The following CNBD1 variants were observed in gnomAD, a reference collection of about 807,000 sequenced individuals.
CNBD1 encodes the protein cyclic nucleotide binding domain containing 1, also known as cyclic nucleotide-binding domain-containing protein 1.
In CNBD1, 71 loss-of-function variants were observed where a neutral mutation model predicts 54.4. The ratio of observed to expected loss-of-function variants is 1.30; its 90% confidence interval spans 1.08 to 1.59. The LOEUF (loss-of-function observed/expected upper bound fraction) is 1.59. Ranked by LOEUF, CNBD1 falls within the 40% of genes most tolerant of loss-of-function variation. The pLI is 0.00. For missense variants in CNBD1, 659 were observed against 518.0 expected (o/e 1.27, Z -2.64); for synonymous variants, 182 against 170.7 (o/e 1.07, Z -0.51).
At chr8:87,029,349 G>A (rs1406580971) in intron 4 of CNBD1, among the ~76,000 whole-genome samples, 2 of 152,144 alleles carry the variant, frequency 1.3e-5, no homozygotes, top group African/African-American at 4.8e-5. Flanking sequence ...GTAATTTTCA[G>A]CACTTAGTTG....
At chr8:87,027,285 T>C (rs1210528847) in intron 4 of CNBD1, among the ~76,000 whole-genome samples, 1 of 151,984 alleles carries the variant, frequency 6.6e-6, no homozygotes, top group Non-Finnish European at 1.5e-5. Context: ...TTTATTTATT[T>C]ATTTTGAGAT....
At chr8:87,372,290 G>C (rs1563574634) in intron 10 of CNBD1, among the ~76,000 whole-genome samples, 1 of 151,866 alleles carries the variant, frequency 6.6e-6, no homozygotes, top group Non-Finnish European at 1.5e-5. Context: ...TTTTGTTTCT[G>C]TTTTTTGATA....
chr8:86,874,747 G>C (rs1164641235), intron 1 of CNBD1, among the ~76,000 whole-genome samples: 2 of 151,736 alleles, frequency 1.3e-5, no homozygotes, highest in Non-Finnish European at 2.9e-5. Context: ...GCCACTTCAA[G>C]TTGGTTTGAG....
intron 6 of CNBD1, among the ~76,000 whole-genome samples, chr8:87,279,551 A>G (rs10096131): frequency 0.28 from 42,471 of 151,070 alleles, 6,392 homozygotes; most frequent in African/African-American, 0.39. Flanking sequence ...GATTATACTA[A>G]CCAGAAGGCC....
chr8:87,390,428 A>T (rs928034866), intron 2 of CNBD1, among the ~76,000 whole-genome samples: 6 of 152,236 alleles, frequency 3.9e-5, no homozygotes, highest in African/African-American at 1.4e-4. Flanking sequence ...AAAGTGGGTG[A>T]AGGATATGAA....
intron 2 of CNBD1, among the ~76,000 whole-genome samples, chr8:87,420,662 C>G (rs569192458): frequency 1.3e-5 from 2 of 151,992 alleles, no homozygotes; most frequent in African/African-American, 2.4e-5. Flanking sequence ...TGCTATTATG[C>G]TTTTGCTATT....
intron 3 of CNBD1, among the ~76,000 whole-genome samples, chr8:86,910,057 C>T (rs56406508): frequency 0.31 from 47,589 of 151,946 alleles, 7,597 homozygotes; most frequent in East Asian, 0.42. Flanking sequence ...AATTTAAGCA[C>T]GATTTGTCTT....
chr8:87,053,537 T>TC (rs1810354829), intron 4 of CNBD1, among the ~76,000 whole-genome samples: 1 of 152,062 alleles, frequency 6.6e-6, no homozygotes, highest in Non-Finnish European at 1.5e-5. Context: ...AGAAGGGGTG[T>TC]CCCCCCTCTC....
At chr8:87,361,460 T>A (rs776943548) in intron 10 of CNBD1, among the ~76,000 whole-genome samples, 2 of 151,784 alleles carry the variant, frequency 1.3e-5, no homozygotes, top group Non-Finnish European at 2.9e-5. Context: ...TATGTGAAGA[T>A]GATATAGCTT....
intron 4 of CNBD1, among the ~76,000 whole-genome samples, chr8:87,202,792 G>C (rs887990949): frequency 1.4e-4 from 22 of 152,116 alleles, no homozygotes; most frequent in African/African-American, 4.6e-4. Context: ...CAAATAGAAG[G>C]CCTCGACTAG....
At chr8:87,094,708 C>T (rs1016422453) in intron 4 of CNBD1, among the ~76,000 whole-genome samples, 18 of 152,058 alleles carry the variant, frequency 1.2e-4, no homozygotes, top group East Asian at 1.9e-4. Context: ...AATTATCAGG[C>T]GCCTTTGCCC....
At chr8:86,987,789 A>G (rs1298612240) in intron 4 of CNBD1, among the ~76,000 whole-genome samples, 1 of 152,148 alleles carries the variant, frequency 6.6e-6, no homozygotes, top group East Asian at 1.9e-4. Context: ...TATGTTGTGA[A>G]TCACATTTAT....
At chr8:87,203,674 T>C (rs137967224) in intron 4 of CNBD1, among the ~76,000 whole-genome samples, 1 of 152,302 alleles carries the variant, frequency 6.6e-6, no homozygotes, top group African/African-American at 2.4e-5. Context: ...ACAGAAAGTT[T>C]CACTAGTTAC....
chr8:87,069,854 C>G (rs1252229972), intron 4 of CNBD1, among the ~76,000 whole-genome samples: 1 of 152,066 alleles, frequency 6.6e-6, no homozygotes, highest in East Asian at 1.9e-4. Context: ...ACACTGTGCT[C>G]AAATGTTCCA....
intron 4 of CNBD1, among the ~76,000 whole-genome samples, chr8:87,008,045 T>C (rs1204374583): frequency 2.6e-5 from 4 of 152,224 alleles, no homozygotes; most frequent in African/African-American, 4.8e-5. Flanking sequence ...AAAATTACTC[T>C]GGTTTGACAT....
intron 1 of CNBD1, among the ~76,000 whole-genome samples, chr8:86,880,006 A>T (rs1808581519): frequency 6.6e-6 from 1 of 152,216 alleles, no homozygotes; most frequent in Non-Finnish European, 1.5e-5. Flanking sequence ...AAAGCAAGAA[A>T]GTTTAACAAT....
intron 8 of CNBD1, among the ~76,000 whole-genome samples, chr8:87,348,203 A>G (rs1326088533): frequency 1.3e-5 from 2 of 152,180 alleles, no homozygotes; most frequent in Non-Finnish European, 2.9e-5. Context: ...TCAAAACTTC[A>G]TTCTTCTCAG....
intron 5 of CNBD1, among the ~76,000 whole-genome samples, chr8:87,227,393 C>G (rs1370033769): frequency 2.9e-4 from 43 of 149,264 alleles, no homozygotes; most frequent in Non-Finnish European, 1.5e-4. Context: ...TGTTCCTTTC[C>G]ATGTTTAGCG....
chr8:86,984,038 G>GA (rs1243985464), intron 4 of CNBD1, among the ~76,000 whole-genome samples: 2 of 152,090 alleles, frequency 1.3e-5, no homozygotes, highest in African/African-American at 4.8e-5. Context: ...AGGACTAGGA[G>GA]AAAAAAACGG....
Sources: gnomAD v4.1 joint callset for allele counts (sites outside exome capture counted in the v4.1 genomes callset) on GRCh38, gnomAD v4.1.1 for gene constraint, MANE v1.5 for transcripts, NCBI Gene and HGNC (gene_info 2026-07-23, HGNC 2026-07-21) for gene names.